The following SND1 variants were observed in gnomAD, a reference collection of about 807,000 sequenced individuals.
SND1 encodes staphylococcal nuclease domain-containing protein 1.
In SND1, 38 loss-of-function variants were observed where a neutral mutation model predicts 121.7. The ratio of observed to expected loss-of-function variants is 0.31; its 90% CI spans 0.24 to 0.41. The LOEUF (loss-of-function observed/expected upper bound fraction) is 0.41. Among genes scored for constraint, SND1 ranks in the 10% least tolerant of loss-of-function variants. The pLI is 1.00. For missense variants in SND1, 868 were observed against 1,184.6 expected (o/e 0.73, Z 3.92); for synonymous variants, 401 against 447.4 (o/e 0.90, Z 1.31).
chr7:128,044,626 C>A (rs1174103117), intron 16 of SND1, among the ~76,000 whole-genome samples: 11 of 111,974 alleles, frequency 9.8e-5, no homozygotes, highest in African/African-American at 3.8e-4. Flanking sequence ...CTCCCATCTC[C>A]CCCCCCACCC....
intron 10 of SND1, among the ~76,000 whole-genome samples, chr7:127,783,839 G>A (rs1797766700): frequency 6.6e-6 from 1 of 152,184 alleles, no homozygotes; most frequent in Non-Finnish European, 1.5e-5. Flanking sequence ...GTATGAAATA[G>A]TATGGTTTAG....
intron 5 of SND1, 40 bp from the exon 6 acceptor site, chr7:127,702,395 A>G: frequency 6.4e-7 from 1 of 1,567,296 alleles, no homozygotes; most frequent in Non-Finnish European, 8.8e-7. Context: ...CCTTGTTAGG[A>G]TGTTTGCTAA....
chr7:128,087,520 G>T (rs905482662), intron 21 of SND1, among the ~76,000 whole-genome samples: 3 of 152,212 alleles, frequency 2.0e-5, no homozygotes, highest in African/African-American at 4.8e-5. Flanking sequence ...GAATGAATGG[G>T]TGGGAGACAA....
At chr7:127,964,667 A>G (rs1318140710) in intron 15 of SND1, among the ~76,000 whole-genome samples, 2 of 151,346 alleles carry the variant, frequency 1.3e-5, no homozygotes, top group African/African-American at 4.9e-5. Context: ...GCCTTGTAGT[A>G]TAGTTTGAAG....
At chr7:127,669,016 G>A (rs955076797) in intron 1 of SND1, among the ~76,000 whole-genome samples, 6 of 150,958 alleles carry the variant, frequency 4.0e-5, no homozygotes, top group South Asian at 2.1e-4. Flanking sequence ...TTTTTGAGAC[G>A]GAGTCTTGCT....
chr7:127,976,560 T>C (rs1802125249), intron 15 of SND1, among the ~76,000 whole-genome samples: 1 of 152,208 alleles, frequency 6.6e-6, no homozygotes, highest in Admixed American at 6.5e-5. Flanking sequence ...GCCTTCCCTG[T>C]CCACTGGCCA....
chr7:127,762,340 G>T (rs1219319086), intron 10 of SND1, among the ~76,000 whole-genome samples: 1 of 152,148 alleles, frequency 6.6e-6, no homozygotes, highest in Non-Finnish European at 1.5e-5. Flanking sequence ...CTTGGTCTCA[G>T]GTTTGGTTTC....
At chr7:127,970,678 T>C (rs1341118907) in intron 15 of SND1, among the ~76,000 whole-genome samples, 1 of 152,232 alleles carries the variant, frequency 6.6e-6, no homozygotes. Context: ...GAGCACTTGC[T>C]GTTAATCCCT....
intron 10 of SND1, among the ~76,000 whole-genome samples, chr7:127,804,579 A>G (rs903605859): frequency 5.9e-5 from 9 of 152,146 alleles, no homozygotes; most frequent in South Asian, 2.1e-4. Context: ...ATTACAGCCA[A>G]CTGACATTCC....
intron 1 of SND1, among the ~76,000 whole-genome samples, chr7:127,664,727 GGGA>G (rs1437427779): frequency 6.6e-6 from 1 of 152,168 alleles, no homozygotes; most frequent in African/African-American, 2.4e-5. Context: ...CATCTTCAGT[GGGA>G]GGAGTATTGT....
At chr7:127,798,675 C>T (rs955728117) in intron 10 of SND1, among the ~76,000 whole-genome samples, 5 of 151,958 alleles carry the variant, frequency 3.3e-5, no homozygotes, top group African/African-American at 7.3e-5. Context: ...TTATTGCCTT[C>T]GATTTAAAAG....
chr7:127,671,984 G>A (rs919101873), intron 1 of SND1, among the ~76,000 whole-genome samples: 2 of 152,216 alleles, frequency 1.3e-5, no homozygotes, highest in Admixed American at 6.5e-5. Flanking sequence ...CAAGAAGGCA[G>A]AGCATTTCCC....
intron 1 of SND1, among the ~76,000 whole-genome samples, chr7:127,670,601 A>G (rs2116261496): frequency 6.6e-6 from 1 of 152,322 alleles, no homozygotes; most frequent in East Asian, 1.9e-4. Context: ...TGTTTCTCAA[A>G]TCTTTTGAGA....
intron 10 of SND1, among the ~76,000 whole-genome samples, chr7:127,745,469 G>T (rs558541247): frequency 1.3e-5 from 2 of 152,086 alleles, no homozygotes; most frequent in Admixed American, 6.5e-5. Flanking sequence ...AGATTTTTTT[G>T]TTTGTTTGTT....
At chr7:127,854,012 C>A (rs1799221759) in intron 12 of SND1, among the ~76,000 whole-genome samples, 1 of 152,160 alleles carries the variant, frequency 6.6e-6, no homozygotes, top group African/African-American at 2.4e-5. Context: ...TACTATTTCT[C>A]CACTAGTCTG....
At chr7:127,941,401 A>G (rs1368651931) in intron 15 of SND1, among the ~76,000 whole-genome samples, 1 of 152,176 alleles carries the variant, frequency 6.6e-6, no homozygotes, top group Non-Finnish European at 1.5e-5. Context: ...TGCTGTTACA[A>G]TAGCATTCCT....
chr7:128,006,064 G>C (rs1431578012), intron 16 of SND1, among the ~76,000 whole-genome samples: 1 of 152,178 alleles, frequency 6.6e-6, no homozygotes, highest in Non-Finnish European at 1.5e-5. Context: ...AGTAACTTCA[G>C]CTGACCCTGG....
chr7:128,092,190 G>A lies in SND1; in HGVS notation c.*132G>A. 1.0e-6 allele frequency: 1 copy of A among 968,756 alleles called. No individual in the cohort carries two copies. The allele number at this position is 968,756 out of a possible 1,614,324, so 60.0% of individuals were successfully genotyped here. A position where few individuals can be genotyped will look rare whatever the true frequency, so the allele number is the denominator to read the frequency against. ...CAGCTTTGCTTCAGTGTGTGGAAATGTCTCGTGGGGTGGCATCGGGGCTGC... is the reference window on the plus strand; with the variant it reads ...CAGCTTTGCTTCAGTGTGTGGAAATATCTCGTGGGGTGGCATCGGGGCTGC... On this transcript the variant is annotated 3_prime_UTR_variant, in exon 24 of 24. Transcript: ENST00000354725. The surrounding 1 kb of genome is among the most constrained non-coding windows in gnomAD (Gnocchi z 4.9).
chr7:127,710,828 G>A (rs755409252), intron 9 of SND1, among the ~76,000 whole-genome samples: 1 of 151,224 alleles, frequency 6.6e-6, no homozygotes, highest in Non-Finnish European at 1.5e-5. Context: ...TCAAGAGGGC[G>A]CACAGTGCTC....
Sources: gnomAD v4.1 joint callset for allele counts (sites outside exome capture counted in the v4.1 genomes callset) on GRCh38, gnomAD v4.1.1 for gene constraint, Gnocchi (gnomAD v3.1) non-coding constraint, MANE v1.5 for transcripts, NCBI Gene and HGNC (gene_info 2026-07-23, HGNC 2026-07-21) for gene names.